The following GABRA3 variants were observed in gnomAD, a reference collection of about 807,000 sequenced individuals.
GABRA3 encodes the protein gamma-aminobutyric acid receptor subunit alpha-3.
A neutral mutation model predicts 30.1 loss-of-function variants in GABRA3; 10 were observed. That is an observed-to-expected ratio of 0.33 (90% CI 0.20 to 0.56). The LOEUF (loss-of-function observed/expected upper bound fraction) is 0.56. GABRA3 is among the 20% of genes least tolerant of loss of function. The pLI is 0.89. For synonymous variants in GABRA3, 151 were observed against 146.8 expected (o/e 1.03, Z -0.21); for missense variants, 233 against 392.0 (o/e 0.59, Z 3.42).
chrX:152,170,285 G>A (rs139997683), intron 9 of GABRA3, among the ~76,000 whole-genome samples: 2 of 112,367 alleles, frequency 1.8e-5, no homozygotes, highest in East Asian at 2.8e-4. Flanking sequence ...ATGAGCATGC[G>A]GCAAAGGCCA....
At chrX:152,417,880 T>G (rs1602718985) in intron 1 of GABRA3, among the ~76,000 whole-genome samples, 1 of 52,790 alleles carries the variant, frequency 1.9e-5, no homozygotes, top group African/African-American at 8.0e-5. Flanking sequence ...TGTTGTGGGG[T>G]GGGGGGAGGG....
chrX:152,311,788 T>A (rs747250611), intron 3 of GABRA3, among the ~76,000 whole-genome samples: 2 of 110,085 alleles, frequency 1.8e-5, no homozygotes, highest in South Asian at 7.9e-4. Context: ...ATGATATGAT[T>A]CTATACCTAG....
intron 1 of GABRA3, among the ~76,000 whole-genome samples, chrX:152,379,504 A>C (rs946814089): frequency 9.0e-6 from 1 of 111,225 alleles, no homozygotes; most frequent in Non-Finnish European, 1.9e-5. Flanking sequence ...AAAAAGATTT[A>C]AAAAAAAGTA....
At chrX:152,266,614 G>A in intron 4 of GABRA3, among the ~76,000 whole-genome samples, 1 of 111,163 alleles carries the variant, frequency 9.0e-6, no homozygotes, top group Admixed American at 9.6e-5. Context: ...GTTGCTCCAG[G>A]TTTTCTCATG....
chrX:152,448,104 GAAAC>G (rs1438107495), intron 1 of GABRA3, among the ~76,000 whole-genome samples: 2 of 112,079 alleles, frequency 1.8e-5, no homozygotes, highest in African/African-American at 3.2e-5. Context: ...GATGGATTAG[GAAAC>G]AAACAAACAA....
chrX:152,449,296 G>C (rs185271683), intron 1 of GABRA3, among the ~76,000 whole-genome samples: 1 of 112,085 alleles, frequency 8.9e-6, no homozygotes, highest in East Asian at 2.8e-4. Context: ...TCACTGCAGG[G>C]AGTTCAACTA....
intron 3 of GABRA3, among the ~76,000 whole-genome samples, chrX:152,326,004 C>T (rs2124469657): frequency 9.0e-6 from 1 of 110,889 alleles, no homozygotes; most frequent in South Asian, 3.9e-4. Context: ...TAGAGAAGAC[C>T]TTTAATGACC....
intron 2 of GABRA3, among the ~76,000 whole-genome samples, chrX:152,355,501 C>T (rs962795453): frequency 9.0e-6 from 1 of 111,435 alleles, no homozygotes; most frequent in Non-Finnish European, 1.9e-5. Flanking sequence ...AAATCTGCAC[C>T]TCTGAAGAAA....
At chrX:152,198,003 G>T (rs1937411163) in intron 7 of GABRA3, among the ~76,000 whole-genome samples, 1 of 110,499 alleles carries the variant, frequency 9.0e-6, no homozygotes, top group Non-Finnish European at 1.9e-5. Flanking sequence ...AGCTTGCTCG[G>T]AACAATTTTG....
intron 1 of GABRA3, among the ~76,000 whole-genome samples, chrX:152,368,769 G>C (rs1928735998): frequency 1.1e-5 from 1 of 88,132 alleles, no homozygotes; most frequent in Non-Finnish European, 2.1e-5. Context: ...GCAGTGGCGT[G>C]ATCTCGGCTC....
Position 152,252,421 on chromosome X carries a change from T to C in GABRA3, c.551+3357A>G, listed in dbSNP as rs1285154825. Among the ~76,000 whole-genome samples the C allele has an allele frequency of 2.7e-5, 3 of 111,592 alleles. No individual in the cohort carries two copies. In the South Asian group the frequency reaches 1.1e-3, roughly 42 times the overall value. ...TAATAATGCTGGCTCAACCATCTAC[T>C]ACCCAAGTGAACTTGAAAAATTCTG... is the stretch of plus-strand genomic sequence containing the variant. On this transcript the variant is annotated intron_variant, in intron 5 of 9. Transcript: ENST00000370314.
At position 152,345,595 on chromosome X, in the gene GABRA3, C is replaced by T. The variant is rs1228855985; in HGVS notation, c.248G>A (p.Arg83Gln). ...AAAGGACTGACCTCCAAGCCCAGGT[C>T]GCAGCCGGTTGTCATAGCCGTCCAG... Reference protein sequence around the residue: ...RLLDGYDNRLRPGLGDAVTEV... With the variant: ...RLLDGYDNRLQPGLGDAVTEV... The change falls in exon 3 of 10, where the codon CGA becomes CAA. Residue 83 changes from arginine to glutamine, a missense_variant. Arg to Gln is a conservative substitution (Grantham distance 43, BLOSUM62 1). Transcript: ENST00000370314. 3 of 1,207,611 alleles carry T rather than the reference C, an allele frequency of 2.5e-6. No individual in the cohort carries two copies. The highest frequency in any genetic ancestry group is 3.4e-6 in the Non-Finnish European group (3 of 894,018).
intron 6 of GABRA3, among the ~76,000 whole-genome samples, chrX:152,216,389 AACACACACACACACACACACACAC>A (rs60255687): frequency 0.022 from 1,720 of 77,598 alleles, 40 homozygotes; most frequent in African/African-American, 0.072. Flanking sequence ...ATAATATATA[AACACACACACACACACACACACAC>A]ACACACACAC....
At chrX:152,405,798 G>A (rs1022875842) in intron 1 of GABRA3, among the ~76,000 whole-genome samples, 4 of 111,208 alleles carry the variant, frequency 3.6e-5, no homozygotes, top group Non-Finnish European at 7.5e-5. Context: ...AAGCTCTTGG[G>A]CCTTGAATAA....
chrX:152,444,748 GTT>G lies in GABRA3; in HGVS notation c.-27+6396_-27+6397del, dbSNP rs1569426323. Among the ~76,000 whole-genome samples, 72 of 47,720 alleles carry G rather than the reference GTT, an allele frequency of 1.5e-3. 2 individuals are homozygous for G. Among genetic ancestry groups the G allele is most frequent in the African/African-American group, 6.8e-3 (68 of 9,930 alleles). 41.4% of individuals were successfully genotyped at this position (47,720 alleles called of 115,157 possible). A position where few individuals can be genotyped will look rare whatever the true frequency, so the allele number is the denominator to read the frequency against. On this transcript the variant is annotated intron_variant, in intron 1 of 9. Transcript: ENST00000370314. ...AATACTTGTGTGTTTTTTTTTTTTT[GTT>G]TTTTTTTGTTTGTTTGTTTGTTTTT...
At chrX:152,235,273 G>C (rs1345565622) in intron 5 of GABRA3, among the ~76,000 whole-genome samples, 1 of 111,532 alleles carries the variant, frequency 9.0e-6, no homozygotes, top group Non-Finnish European at 1.9e-5. Flanking sequence ...ATCATTACTA[G>C]TATATGGAAA....
intron 4 of GABRA3, among the ~76,000 whole-genome samples, chrX:152,273,363 A>G (rs2124428508): frequency 8.9e-6 from 1 of 112,376 alleles, no homozygotes; most frequent in Non-Finnish European, 1.9e-5. Context: ...TATAAACACT[A>G]TGGAGAACAG....
At chrX:152,403,536 TTGTGTGTGTGCACACGTG>T (rs1397316674) in intron 1 of GABRA3, among the ~76,000 whole-genome samples, 13 of 95,781 alleles carry the variant, frequency 1.4e-4, no homozygotes, top group African/African-American at 4.3e-4. Context: ...GTGTGTGTGC[TTGTGTGTGTGCACACGTG>T]TGTGTATGTG....
chrX:152,271,069 C>T (rs1938926899), intron 4 of GABRA3, among the ~76,000 whole-genome samples: 1 of 108,051 alleles, frequency 9.3e-6, no homozygotes, highest in Admixed American at 9.9e-5. Context: ...TCAAGCGATT[C>T]TCCTGCCTCG....
Sources: allele counts gnomAD v4.1 joint callset (sites outside exome capture counted in the v4.1 genomes callset), GRCh38; gene constraint gnomAD v4.1.1; transcripts MANE v1.5; gene names NCBI Gene and HGNC (gene_info 2026-07-23, HGNC 2026-07-21).